NEGR1: variants seen among roughly 807,000 people sequenced by gnomAD.
NEGR1 encodes the protein IgLON family member 4.
In NEGR1, 10 loss-of-function variants were observed where a neutral mutation model predicts 40.9. The observed-to-expected ratio is 0.24, with a 90% CI of 0.15 to 0.42. The LOEUF is 0.42. Ranked by LOEUF, NEGR1 falls within the 10% of genes least tolerant of loss-of-function variation. The pLI, the probability that NEGR1 is intolerant of heterozygous loss-of-function variation, is 1.00. For synonymous variants in NEGR1, 185 were observed against 166.8 expected (o/e 1.11, Z -0.84); for missense variants, 352 against 438.9 (o/e 0.80, Z 1.77).
At chr1:71,930,458 A>C (rs576605098) in intron 2 of NEGR1, among the ~76,000 whole-genome samples, 1 of 152,314 alleles carries the variant, frequency 6.6e-6, no homozygotes, top group African/African-American at 2.4e-5. Flanking sequence ...TCATATTACA[A>C]ATTTTATGAT....
chr1:72,021,178 C>A (rs3102902), intron 1 of NEGR1, among the ~76,000 whole-genome samples: 79,266 of 151,780 alleles, frequency 0.52, 21,658 homozygotes, highest in East Asian at 0.67. Flanking sequence ...CATCTAAATA[C>A]CATGTGGGAC....
chr1:71,711,624 T>C (rs1654095204), intron 3 of NEGR1, among the ~76,000 whole-genome samples: 1 of 152,110 alleles, frequency 6.6e-6, no homozygotes, highest in Non-Finnish European at 1.5e-5. Context: ...TCATTGACCA[T>C]GTCATCTGGC....
intron 4 of NEGR1, among the ~76,000 whole-genome samples, chr1:71,669,459 C>T (rs1370125681): frequency 2.0e-5 from 3 of 151,800 alleles, no homozygotes; most frequent in African/African-American, 7.3e-5. Context: ...TATTCTTTCT[C>T]AATAACTTTT....
intron 1 of NEGR1, among the ~76,000 whole-genome samples, chr1:72,086,740 C>A (rs1226932527): frequency 6.6e-6 from 1 of 152,100 alleles, no homozygotes; most frequent in African/African-American, 2.4e-5. Flanking sequence ...TATTTAAAAT[C>A]ACATGAGTCA....
At chr1:72,026,948 C>A (rs868222881) in intron 1 of NEGR1, among the ~76,000 whole-genome samples, 1 of 151,696 alleles carries the variant, frequency 6.6e-6, no homozygotes, top group South Asian at 2.1e-4. Context: ...TTTTTTGAGA[C>A]GGAGTCTTGC....
intron 1 of NEGR1, among the ~76,000 whole-genome samples, chr1:72,169,782 G>A (rs1313162933): frequency 6.6e-6 from 1 of 152,122 alleles, no homozygotes; most frequent in Non-Finnish European, 1.5e-5. Context: ...TAATGCTTGA[G>A]AATCTTTTCC....
Position 72,117,529 on chromosome 1 carries a change from T to C in NEGR1, c.176+164790A>G, listed in dbSNP as rs1038884791. Among the ~76,000 whole-genome samples the C allele has an allele frequency of 2.7e-4, 41 of 151,712 alleles. 1 individual carries two copies. The stretch of plus-strand genomic sequence containing the variant: ...ACATCTAGAATGAGATATCTAACTA[T>C]GTTCTCTGGGGAGGGGGAATAAATC... On this transcript the variant is annotated intron_variant, in intron 1 of 6. Coordinates refer to ENST00000357731, the MANE Select transcript of NEGR1 (RefSeq NM_173808.3).
At chr1:71,609,323 A>G (rs988043174) in intron 5 of NEGR1, among the ~76,000 whole-genome samples, 33 of 151,156 alleles carry the variant, frequency 2.2e-4, no homozygotes, top group African/African-American at 8.0e-4. Flanking sequence ...AGACCATCCT[A>G]GCTAACATGG....
chr1:71,793,849 A>C (rs1188515818), intron 2 of NEGR1, among the ~76,000 whole-genome samples: 1 of 152,126 alleles, frequency 6.6e-6, no homozygotes, highest in Non-Finnish European at 1.5e-5. Flanking sequence ...ATATAAAAAT[A>C]CTATAATTTA....
chr1:71,861,512 A>C (rs1192338302), intron 2 of NEGR1, among the ~76,000 whole-genome samples: 1 of 152,044 alleles, frequency 6.6e-6, no homozygotes. Flanking sequence ...TTGTCTTCAG[A>C]CTTATTTCTT....
chr1:71,763,840 G>T (rs7514895), intron 3 of NEGR1, among the ~76,000 whole-genome samples: 7,813 of 152,012 alleles, frequency 0.051, 384 homozygotes, highest in African/African-American at 0.13. Flanking sequence ...ACACTTGCTT[G>T]TGTGAATACC....
chr1:71,839,599 A>C (rs1379004138), intron 2 of NEGR1, among the ~76,000 whole-genome samples: 2 of 152,132 alleles, frequency 1.3e-5, no homozygotes, highest in African/African-American at 4.8e-5. Context: ...TATTGAAAAT[A>C]AAATCAAGAG....
At chr1:71,512,987 T>A (rs1271054936) in intron 6 of NEGR1, among the ~76,000 whole-genome samples, 1 of 152,184 alleles carries the variant, frequency 6.6e-6, no homozygotes, top group African/African-American at 2.4e-5. Context: ...AGTTTTACTA[T>A]ACATATAACA....
At chr1:71,851,208 G>A (rs1659588849) in intron 2 of NEGR1, among the ~76,000 whole-genome samples, 1 of 152,128 alleles carries the variant, frequency 6.6e-6, no homozygotes, top group Admixed American at 6.6e-5. Flanking sequence ...GTGTTACCAG[G>A]GGAATTGGTT....
intron 1 of NEGR1, among the ~76,000 whole-genome samples, chr1:72,148,487 G>T (rs1650994994): frequency 6.6e-6 from 1 of 152,036 alleles, no homozygotes; most frequent in Admixed American, 6.6e-5. Flanking sequence ...TGTTACTTAT[G>T]CAAGTTTCTG....
chr1:72,178,439 C>A (rs567270177), intron 1 of NEGR1, among the ~76,000 whole-genome samples: 2 of 151,656 alleles, frequency 1.3e-5, no homozygotes, highest in East Asian at 3.9e-4. Context: ...TTGCCCTCTA[C>A]CTATTCTGCT....
intron 2 of NEGR1, among the ~76,000 whole-genome samples, chr1:71,931,601 C>T (rs1218232723): frequency 1.3e-5 from 2 of 152,054 alleles, no homozygotes; most frequent in East Asian, 3.9e-4. Context: ...TTATAACAAA[C>T]CCACTCTCAC....
chr1:71,733,085 T>G (rs527293477), intron 3 of NEGR1, among the ~76,000 whole-genome samples: 2 of 152,032 alleles, frequency 1.3e-5, no homozygotes, highest in South Asian at 4.2e-4. Context: ...TTTTTTTTTT[T>G]TTCCTACAGA....
At chr1:71,906,537 A>G (rs898139094) in intron 2 of NEGR1, among the ~76,000 whole-genome samples, 7 of 150,416 alleles carry the variant, frequency 4.7e-5, no homozygotes, top group African/African-American at 1.7e-4. Flanking sequence ...TAATTTTCTC[A>G]TTAACTCTTA....
Sources: allele counts gnomAD v4.1 joint callset (sites outside exome capture counted in the v4.1 genomes callset), GRCh38; gene constraint gnomAD v4.1.1; transcripts MANE v1.5; gene names NCBI Gene and HGNC (gene_info 2026-07-23, HGNC 2026-07-21).